The following GREB1L variants were observed in gnomAD, a reference collection of about 807,000 sequenced individuals.
The protein encoded by GREB1L is GREB1 like retinoic acid receptor coactivator.
Under a neutral mutation model 200.8 loss-of-function variants are expected in GREB1L, and 17 were observed. The ratio of observed to expected loss-of-function variants is 0.08; its 90% CI spans 0.06 to 0.13. The LOEUF is 0.13. Ranked by LOEUF, GREB1L falls within the 10% of genes least tolerant of loss-of-function variation. The pLI is 1.00. For synonymous variants in GREB1L, 789 were observed against 893.0 expected, an observed-to-expected ratio of 0.88 and a Z score of 2.08; for missense variants, 1,657 against 2,367.7, an observed-to-expected ratio of 0.70 and a Z score of 6.23.
intron 31 of GREB1L, among the ~76,000 whole-genome samples, chr18:21,519,598 C>A (rs8092123): frequency 6.6e-6 from 1 of 152,172 alleles, no homozygotes; most frequent in African/African-American, 2.4e-5. Flanking sequence ...CAGGGCTCTA[C>A]GTATTAACAC....
rs1262965359 is a variant in GREB1L at position 21,499,985 on chromosome 18, G to A, written c.3648G>A (p.Gln1216=). 1 of 1,551,516 alleles carries A rather than the reference G, an allele frequency of 6.4e-7. No individual in the cohort carries two copies. Among genetic ancestry groups the A allele is most frequent in the South Asian group, 1.2e-5 (1 of 84,062 alleles). The change falls in exon 22 of 33, where the codon CAG becomes CAA. Residue 1216 remains glutamine (Q), a synonymous_variant. Transcript: ENST00000424526. ...CCAGGACCCTCCCATGGCCGGGACA[G>A]CCCATCAGAGGCTGCCGGGGCCCAC... The part of the protein sequence containing the change: ...SGPRTLPWPG[Q]PIRGCRGPQA...
chr18:21,477,135 T>C, intron 16 of GREB1L, 29 bp from the exon 17 acceptor site: 2 of 1,467,060 alleles, frequency 1.4e-6, no homozygotes, highest in African/African-American at 1.4e-5. Flanking sequence ...TTAAATGAGG[T>C]ATTAATATGA....
chr18:21,294,522 C>T (rs189726998), intron 1 of GREB1L, among the ~76,000 whole-genome samples: 7 of 151,904 alleles, frequency 4.6e-5, no homozygotes, highest in Non-Finnish European at 8.8e-5. Context: ...TTGCAGAATC[C>T]TTGAGGCATT....
intron 19 of GREB1L, among the ~76,000 whole-genome samples, chr18:21,493,865 CAAAAAAAAAAAAAAAA>C (rs35758360): frequency 5.2e-5 from 2 of 38,506 alleles, no homozygotes; most frequent in Non-Finnish European, 4.0e-5. Context: ...GACCCTGTCT[CAAAAAAAAAAAAAAAA>C]AAAAAAAAAA....
chr18:21,521,491 T>C (rs4800771), intron 32 of GREB1L, among the ~76,000 whole-genome samples: 48,698 of 152,020 alleles, frequency 0.32, 10,684 homozygotes, highest in African/African-American at 0.59. Flanking sequence ...CTGTGCAGCA[T>C]GAGAACAGGG....
At chr18:21,289,011 C>T (rs542345005) in intron 1 of GREB1L, among the ~76,000 whole-genome samples, 2 of 152,150 alleles carry the variant, frequency 1.3e-5, no homozygotes, top group Non-Finnish European at 2.9e-5. Flanking sequence ...GCTGGGATTA[C>T]AGGCGTGAGC....
chr18:21,302,914 G>A (rs1368745055), intron 1 of GREB1L, among the ~76,000 whole-genome samples: 1 of 152,018 alleles, frequency 6.6e-6, no homozygotes, highest in African/African-American at 2.4e-5. Flanking sequence ...GTAGAGACGG[G>A]GTTTCACCAT....
At chr18:21,516,340 T>C (rs2037416683) in intron 29 of GREB1L, among the ~76,000 whole-genome samples, 1 of 152,204 alleles carries the variant, frequency 6.6e-6, no homozygotes, top group African/African-American at 2.4e-5. Flanking sequence ...TGCCGGAGTG[T>C]ATCAAATAGG....
At chr18:21,445,196 C>T (rs761517450) in intron 11 of GREB1L, among the ~76,000 whole-genome samples, 23 of 152,228 alleles carry the variant, frequency 1.5e-4, no homozygotes, top group Non-Finnish European at 2.5e-4. Flanking sequence ...GAGATGTGGC[C>T]GGGCACGGTG....
At chr18:21,405,650 A>C (rs1413756531) in intron 7 of GREB1L, among the ~76,000 whole-genome samples, 1 of 152,034 alleles carries the variant, frequency 6.6e-6, no homozygotes, top group African/African-American at 2.4e-5. Context: ...AATACACAAA[A>C]ATTAGCTGGG....
chr18:21,401,489 C>G (rs2041314146), intron 6 of GREB1L, among the ~76,000 whole-genome samples, 163 bp downstream of exon 6: 2 of 152,132 alleles, frequency 1.3e-5, no homozygotes, highest in South Asian at 4.1e-4. Flanking sequence ...TGACTTGCCC[C>G]TTACTAATTT....
At chr18:21,266,620 G>A (rs1289774022) in intron 1 of GREB1L, among the ~76,000 whole-genome samples, 4 of 152,180 alleles carry the variant, frequency 2.6e-5, no homozygotes, top group Non-Finnish European at 4.4e-5. Context: ...AAAACACATT[G>A]CATGCTTTAA....
chr18:21,360,805 A>C (rs1288390550), intron 1 of GREB1L, among the ~76,000 whole-genome samples: 1 of 152,232 alleles, frequency 6.6e-6, no homozygotes, highest in South Asian at 2.1e-4. Flanking sequence ...GAACATAATT[A>C]TGAAATAGGT....
intron 13 of GREB1L, 22 bp from the exon 14 acceptor site, chr18:21,452,061 T>C (rs2034552897): frequency 6.4e-7 from 1 of 1,550,400 alleles, no homozygotes; most frequent in African/African-American, 1.4e-5. Flanking sequence ...CTTGTAACCT[T>C]CTTATCTCTA....
At chr18:21,455,367 A>G (rs2034710132) in intron 15 of GREB1L, among the ~76,000 whole-genome samples, 1 of 151,994 alleles carries the variant, frequency 6.6e-6, no homozygotes, top group African/African-American at 2.4e-5. Flanking sequence ...CTGGAAGATG[A>G]CTGTTTTTGC....
intron 1 of GREB1L, among the ~76,000 whole-genome samples, chr18:21,275,568 A>C (rs2038149756): frequency 6.6e-6 from 1 of 151,044 alleles, no homozygotes; most frequent in African/African-American, 2.4e-5. Context: ...CAGGGGAATC[A>C]CTTGAACCTG....
At chr18:21,357,257 TTAGCCAG>T (rs2039518093) in intron 1 of GREB1L, among the ~76,000 whole-genome samples, 1 of 152,250 alleles carries the variant, frequency 6.6e-6, no homozygotes, top group South Asian at 2.1e-4. Context: ...TTTCACCATG[TTAGCCAG>T]GATGGTCTCT....
chr18:21,327,212 C>A (rs149795645), intron 1 of GREB1L, among the ~76,000 whole-genome samples: 90 of 152,296 alleles, frequency 5.9e-4, no homozygotes, highest in African/African-American at 2.1e-3. Context: ...AACAGAAAGG[C>A]CCTCAGGCAT....
At chr18:21,275,719 A>C (rs2038152009) in intron 1 of GREB1L, among the ~76,000 whole-genome samples, 1 of 152,200 alleles carries the variant, frequency 6.6e-6, no homozygotes, top group Admixed American at 6.5e-5. Flanking sequence ...AAAAGAACAA[A>C]TACCTCAGAA....
Sources: gnomAD v4.1 joint callset for allele counts (sites outside exome capture counted in the v4.1 genomes callset) on GRCh38, gnomAD v4.1.1 for gene constraint, MANE v1.5 for transcripts, NCBI Gene and HGNC (gene_info 2026-07-23, HGNC 2026-07-21) for gene names.